Variants in NTRK2 observed in about 807,000 individuals in gnomAD.
The protein encoded by NTRK2 is neurotrophic receptor tyrosine kinase 2, also known as BDNF/NT-3 growth factors receptor.
NTRK2 carries 13 observed loss-of-function variants against 94.5 expected under a neutral mutation model. The observed-to-expected ratio is 0.14, with a 90% CI of 0.09 to 0.22. NTRK2 has a LOEUF of 0.22. NTRK2 is among the 10% of genes least tolerant of loss of function. The pLI, the probability that NTRK2 is intolerant of heterozygous loss-of-function variation, is 1.00. For missense variants in NTRK2, 639 were observed against 1,071.2 expected, an observed-to-expected ratio of 0.60 and a Z score of 5.63; for synonymous variants, 372 against 407.4, an observed-to-expected ratio of 0.91 and a Z score of 1.05.
intron 12 of NTRK2, among the ~76,000 whole-genome samples, chr9:84,775,023 T>C (rs2066898702): frequency 6.6e-6 from 1 of 152,272 alleles, no homozygotes; most frequent in Non-Finnish European, 1.5e-5. Flanking sequence ...CCGAGCCTTC[T>C]TTCTTGTGCT....
At chr9:84,997,572 G>A (rs549589703) in intron 17 of NTRK2, among the ~76,000 whole-genome samples, 34 of 152,298 alleles carry the variant, frequency 2.2e-4, no homozygotes, top group African/African-American at 7.9e-4. Flanking sequence ...GTTGAGCTGT[G>A]AGATAGGGGT....
At chr9:84,907,064 A>G (rs1165131963) in intron 14 of NTRK2, among the ~76,000 whole-genome samples, 1 of 152,182 alleles carries the variant, frequency 6.6e-6, no homozygotes, top group Non-Finnish European at 1.5e-5. Context: ...GCAGTTATGG[A>G]GTAAATGTGG....
chr9:84,871,171 T>C (rs1323991515), intron 14 of NTRK2, among the ~76,000 whole-genome samples: 2 of 152,102 alleles, frequency 1.3e-5, no homozygotes, highest in East Asian at 3.8e-4. Context: ...TACAACAGGA[T>C]AGGTTAGAGC....
At chr9:84,856,246 A>G in intron 12 of NTRK2, among the ~76,000 whole-genome samples, 1 of 152,206 alleles carries the variant, frequency 6.6e-6, no homozygotes, top group East Asian at 1.9e-4. Flanking sequence ...GATTTCCAGA[A>G]CCAGTTTAAC....
chr9:84,956,723 C>T (rs1291641833), intron 17 of NTRK2, among the ~76,000 whole-genome samples: 1 of 152,170 alleles, frequency 6.6e-6, no homozygotes, highest in African/African-American at 2.4e-5. Flanking sequence ...ATTTCCTGTT[C>T]CCCTTCCTGC....
chr9:84,710,511 G>A (rs1382607016), intron 5 of NTRK2, 126 bp from the exon 6 acceptor site: 2 of 946,240 alleles, frequency 2.1e-6, no homozygotes, highest in Non-Finnish European at 3.4e-6. Flanking sequence ...GTCATGCTAT[G>A]AAAGTGGTAT....
intron 13 of NTRK2, among the ~76,000 whole-genome samples, chr9:84,865,871 A>G (rs542511385): frequency 6.6e-6 from 1 of 152,220 alleles, no homozygotes; most frequent in Non-Finnish European, 1.5e-5. Context: ...GTCATGAGCC[A>G]CTGCCGTCTT....
intron 12 of NTRK2, among the ~76,000 whole-genome samples, chr9:84,839,223 G>A (rs928194436): frequency 6.6e-6 from 1 of 152,184 alleles, no homozygotes; most frequent in African/African-American, 2.4e-5. Context: ...CTCATCAGAA[G>A]AGTCAAATAC....
chr9:84,753,178 A>G (rs1241334629), intron 12 of NTRK2, among the ~76,000 whole-genome samples: 1 of 152,032 alleles, frequency 6.6e-6, no homozygotes, highest in Non-Finnish European at 1.5e-5. Context: ...ATAACTCAAA[A>G]AACCTCGTCC....
intron 17 of NTRK2, among the ~76,000 whole-genome samples, chr9:84,967,819 G>A (rs772838800): frequency 2.0e-5 from 3 of 152,214 alleles, no homozygotes; most frequent in African/African-American, 4.8e-5. Flanking sequence ...ATTGATGCCC[G>A]GGGTTAAGGG....
At chr9:84,993,106 T>G (rs868443219) in intron 17 of NTRK2, among the ~76,000 whole-genome samples, 28 of 152,074 alleles carry the variant, frequency 1.8e-4, no homozygotes, top group African/African-American at 6.5e-4. Context: ...TTGGCCCTTG[T>G]GTATTATAGG....
At chr9:84,785,594 G>T (rs1041342004) in intron 12 of NTRK2, among the ~76,000 whole-genome samples, 1 of 152,162 alleles carries the variant, frequency 6.6e-6, no homozygotes, top group Non-Finnish European at 1.5e-5. Context: ...CTTGGCTCAT[G>T]CTATTGAGAT....
At chr9:84,674,053 C>A (rs151077910) in intron 2 of NTRK2, among the ~76,000 whole-genome samples, 1 of 152,100 alleles carries the variant, frequency 6.6e-6, no homozygotes, top group Non-Finnish European at 1.5e-5. Context: ...TTGCAAAGGA[C>A]AAGTTCTGTT....
At chr9:84,777,905 AG>A (rs2067208310) in intron 12 of NTRK2, among the ~76,000 whole-genome samples, 2 of 152,204 alleles carry the variant, frequency 1.3e-5, no homozygotes, top group Non-Finnish European at 2.9e-5. Context: ...ATTTACCTTA[AG>A]GTAGGATGAC....
chr9:85,000,712 G>A (rs967763154), intron 17 of NTRK2, among the ~76,000 whole-genome samples: 4 of 152,290 alleles, frequency 2.6e-5, no homozygotes, highest in African/African-American at 4.8e-5. Flanking sequence ...TGAATAAAGC[G>A]GGTGTAGACA....
chr9:84,876,579 G>T, intron 14 of NTRK2: 1 of 1,057,060 alleles, frequency 9.5e-7, no homozygotes, highest in Non-Finnish European at 1.1e-6. Flanking sequence ...GGACTAACTG[G>T]TCTCACATTT....
Position 84,925,201 on chromosome 9 carries a change from C to CTTTTTTTTT in NTRK2, c.1634-8955_1634-8947dup, listed in dbSNP as rs562875058. Among the ~76,000 whole-genome samples the CTTTTTTTTT allele has an allele frequency of 4.3e-3, 612 of 141,150 alleles. 1 individual carries two copies. The highest frequency in any genetic ancestry group is 0.015 in the African/African-American group (581 of 38,140). 92.6% of individuals were successfully genotyped at this position (141,150 alleles called of 152,430 possible). On this transcript the variant is annotated intron_variant, in intron 14 of 18. Coordinates refer to ENST00000277120, the MANE Select transcript of NTRK2 (RefSeq NM_006180.6). ...CTCTGCCTTCTTCTCTTCTCTTCTTCTTTTTTTTTTTTTTGGAGCTATTTT... is the reference window on the plus strand; with the variant it reads ...CTCTGCCTTCTTCTCTTCTCTTCTTCTTTTTTTTTTTTTTTTTTTTTTTGGAGCTATTTT...
chr9:84,868,201 C>T (rs114710518), intron 14 of NTRK2, among the ~76,000 whole-genome samples: 1,778 of 152,124 alleles, frequency 0.012, 38 homozygotes, highest in African/African-American at 0.04. Flanking sequence ...AATAAGGGGC[C>T]GTGAGGGCTA....
At chr9:84,692,847 G>A (rs1055602959) in intron 2 of NTRK2, among the ~76,000 whole-genome samples, 2 of 152,178 alleles carry the variant, frequency 1.3e-5, no homozygotes, top group Admixed American at 6.5e-5. Context: ...ATGCATGGGA[G>A]CTCTACACAT....
Sources: allele counts gnomAD v4.1 joint callset (sites outside exome capture counted in the v4.1 genomes callset), GRCh38; gene constraint gnomAD v4.1.1; transcripts MANE v1.5; gene names NCBI Gene and HGNC (gene_info 2026-07-23, HGNC 2026-07-21).